QRFPR: variants seen among roughly 807,000 people sequenced by gnomAD.
QRFPR encodes pyroglutamylated RFamide peptide receptor, also known as pyroglutamylated RF-amide peptide receptor.
A neutral mutation model predicts 31.3 loss-of-function variants in QRFPR; 37 were observed. That is an observed-to-expected ratio of 1.18 (90% CI 0.91 to 1.56). The LOEUF (loss-of-function observed/expected upper bound fraction) is 1.56. QRFPR is among the 40% of genes most tolerant of loss of function. The probability of loss-of-function intolerance (pLI) is 0.00; values close to 1 mark genes in which losing one functional copy is unlikely to be tolerated. For synonymous variants in QRFPR, 197 were observed against 192.0 expected (o/e 1.03, Z -0.22); for missense variants, 542 against 532.5 (o/e 1.02, Z -0.18).
intron 1 of QRFPR, among the ~76,000 whole-genome samples, chr4:121,355,415 G>A (rs183616937): frequency 8.5e-4 from 130 of 152,104 alleles, no homozygotes; most frequent in Admixed American, 3.2e-3. Flanking sequence ...CAGTTGTAAT[G>A]TCTCCCTTTT....
intron 1 of QRFPR, among the ~76,000 whole-genome samples, chr4:121,348,364 A>T (rs191133343): frequency 8.5e-5 from 13 of 152,242 alleles, no homozygotes; most frequent in Admixed American, 2.0e-4. Flanking sequence ...ATTACATATC[A>T]ACTTTTAACA....
intron 3 of QRFPR, among the ~76,000 whole-genome samples, chr4:121,333,835 T>C (rs999112311): frequency 6.6e-6 from 1 of 152,162 alleles, no homozygotes; most frequent in Admixed American, 6.5e-5. Context: ...AACGAGAATA[T>C]TTATCAAAAC....
intron 1 of QRFPR, among the ~76,000 whole-genome samples, chr4:121,360,723 A>G: frequency 6.6e-6 from 1 of 152,202 alleles, no homozygotes. Context: ...TCACTGCCTC[A>G]GTAGTGTTGC....
chr4:121,368,987 T>A (rs1726179115), intron 1 of QRFPR, among the ~76,000 whole-genome samples: 1 of 152,158 alleles, frequency 6.6e-6, no homozygotes, highest in African/African-American at 2.4e-5. Context: ...AAAAACCAAT[T>A]GTATCTCCAG....
chr4:121,357,487 T>C (rs1337788580), intron 1 of QRFPR, among the ~76,000 whole-genome samples: 2 of 152,124 alleles, frequency 1.3e-5, no homozygotes, highest in Non-Finnish European at 2.9e-5. Context: ...AAACAGTAAC[T>C]ACCAGTTACA....
At chr4:121,354,145 T>C (rs2110476088) in intron 1 of QRFPR, among the ~76,000 whole-genome samples, 1 of 152,228 alleles carries the variant, frequency 6.6e-6, no homozygotes, top group Admixed American at 6.5e-5. Context: ...GATCGTGCGG[T>C]TTTTCCACCT....
intron 1 of QRFPR, among the ~76,000 whole-genome samples, chr4:121,368,852 A>G (rs1473853873): frequency 6.7e-6 from 1 of 150,132 alleles, no homozygotes; most frequent in Non-Finnish European, 1.5e-5. Context: ...TACCTAGGGT[A>G]AATGATGAAA....
At chr4:121,380,014 A>G (rs1441714393) in intron 1 of QRFPR, among the ~76,000 whole-genome samples, 1 of 152,026 alleles carries the variant, frequency 6.6e-6, no homozygotes, top group Non-Finnish European at 1.5e-5. Context: ...GCTTTTCCCC[A>G]ACCTATGTCT....
At chr4:121,367,439 C>A (rs1726151009) in intron 1 of QRFPR, among the ~76,000 whole-genome samples, 1 of 150,116 alleles carries the variant, frequency 6.7e-6, no homozygotes, top group African/African-American at 2.5e-5. Context: ...ATAGTTTGAG[C>A]ATAAAAGTAA....
In QRFPR at chr4:121,336,706, C is replaced by A. The variant is rs1464241158; in HGVS notation, c.561+101G>T. The A allele has an allele frequency of 9.9e-6, 9 of 910,962 alleles. No individual in the cohort carries two copies. In the Admixed American group the frequency reaches 1.4e-4, roughly 14 times the overall value. The allele number at this position is 910,962 out of a possible 1,614,324, so 56.4% of individuals were successfully genotyped here. A position where few individuals can be genotyped will look rare whatever the true frequency, so the allele number is the denominator to read the frequency against. ...CTCCAGTGGAATAGCTGAGGTCATA[C>A]AAATTTGCTGTATTGCTCCTGCAGG... is the stretch of plus-strand genomic sequence containing the variant. On this transcript the variant is annotated intron_variant, in intron 3 of 5. Coordinates refer to ENST00000394427, the MANE Select transcript of QRFPR (RefSeq NM_198179.3).
intron 1 of QRFPR, among the ~76,000 whole-genome samples, chr4:121,351,686 TAGAA>T (rs1725762847): frequency 6.6e-6 from 1 of 152,046 alleles, no homozygotes; most frequent in Middle Eastern, 3.2e-3. Flanking sequence ...CTTTAGGCAT[TAGAA>T]AGAATTTCTT....
At chr4:121,356,794 G>A (rs1725879304) in intron 1 of QRFPR, among the ~76,000 whole-genome samples, 1 of 152,080 alleles carries the variant, frequency 6.6e-6, no homozygotes, top group South Asian at 2.1e-4. Context: ...GGAACTAGGG[G>A]AGAAGTGATG....
intron 2 of QRFPR, among the ~76,000 whole-genome samples, chr4:121,338,034 A>T (rs1255180184): frequency 6.6e-6 from 1 of 152,204 alleles, no homozygotes; most frequent in East Asian, 1.9e-4. Flanking sequence ...CAATTAAGCC[A>T]TAATTGGGGT....
At chr4:121,334,311 C>T (rs1270667753) in intron 3 of QRFPR, among the ~76,000 whole-genome samples, 1 of 152,138 alleles carries the variant, frequency 6.6e-6, no homozygotes, top group Admixed American at 6.5e-5. Flanking sequence ...AATTTCAGAT[C>T]TTTGATCTTC....
At chr4:121,369,884 A>C in intron 1 of QRFPR, 1 of 803,712 alleles carries the variant, frequency 1.2e-6, no homozygotes, top group Non-Finnish European at 2.2e-6. Flanking sequence ...CTGCAGCTTT[A>C]GTTTGTGGAG....
intron 4 of QRFPR, among the ~76,000 whole-genome samples, 154 bp downstream of exon 4, chr4:121,332,667 C>T (rs1386899907): frequency 6.6e-6 from 1 of 152,182 alleles, no homozygotes; most frequent in South Asian, 2.1e-4. Flanking sequence ...ACATGTAAAA[C>T]TTCAAGAGTT....
chr4:121,358,047 T>C (rs1237733290), intron 1 of QRFPR, among the ~76,000 whole-genome samples: 1 of 152,100 alleles, frequency 6.6e-6, no homozygotes, highest in Non-Finnish European at 1.5e-5. Flanking sequence ...TGAAACAATA[T>C]CTCACAAATA....
intron 1 of QRFPR, among the ~76,000 whole-genome samples, chr4:121,372,482 A>AATCACATTC (rs1726267187): frequency 6.6e-6 from 1 of 152,192 alleles, no homozygotes. Context: ...CAGTGGCATT[A>AATCACATTC]ATCACATTCA....
intron 2 of QRFPR, 126 bp from the exon 3 acceptor site, chr4:121,336,994 T>A (rs2302308): frequency 1.2e-6 from 1 of 825,706 alleles, no homozygotes; most frequent in Non-Finnish European, 2.1e-6. Flanking sequence ...AGTGCCATGG[T>A]CTCCCCCAAG....
Sources: gnomAD v4.1 joint callset for allele counts (sites outside exome capture counted in the v4.1 genomes callset) on GRCh38, gnomAD v4.1.1 for gene constraint, MANE v1.5 for transcripts, NCBI Gene and HGNC (gene_info 2026-07-23, HGNC 2026-07-21) for gene names.